The following ADAMTSL1 variants were observed in gnomAD, a reference collection of about 807,000 sequenced individuals.
ADAMTSL1 encodes the protein ADAMTS-like protein 1.
ADAMTSL1 carries 126 observed loss-of-function variants against 201.8 expected under a neutral mutation model. That is an observed-to-expected ratio of 0.62 (90% confidence interval 0.54 to 0.72). ADAMTSL1 has a LOEUF of 0.72. Among genes scored for constraint, ADAMTSL1 ranks in the 30% least tolerant of loss-of-function variants. ADAMTSL1 has a pLI of 0.00. For synonymous variants in ADAMTSL1, 1,121 were observed against 903.4 expected, an observed-to-expected ratio of 1.24 and a Z score of -4.32; for missense variants, 2,679 against 2,277.8, an observed-to-expected ratio of 1.18 and a Z score of -3.59.
chr9:18,275,759 A>C (rs975464010), intron 2 of ADAMTSL1, among the ~76,000 whole-genome samples: 2 of 152,134 alleles, frequency 1.3e-5, no homozygotes, highest in Admixed American at 1.3e-4. Flanking sequence ...TCCTTTAGTG[A>C]GTCATAGACA....
chr9:18,873,499 T>A (rs935953440), intron 23 of ADAMTSL1, among the ~76,000 whole-genome samples: 8 of 152,142 alleles, frequency 5.3e-5, no homozygotes, highest in African/African-American at 1.9e-4. Context: ...GAGGATCCAG[T>A]TTCATTCTCC....
intron 1 of ADAMTSL1, among the ~76,000 whole-genome samples, chr9:18,077,054 A>T (rs894366961): frequency 1.3e-5 from 2 of 152,146 alleles, no homozygotes; most frequent in South Asian, 2.1e-4. Context: ...ATTTACTGAG[A>T]TGGGAAGAGT....
chr9:18,683,934 C>T (rs1279130311), intron 12 of ADAMTSL1, among the ~76,000 whole-genome samples: 1 of 152,122 alleles, frequency 6.6e-6, no homozygotes, highest in Non-Finnish European at 1.5e-5. Flanking sequence ...GGTGATAGAG[C>T]ATCATTGGCT....
intron 2 of ADAMTSL1, among the ~76,000 whole-genome samples, chr9:18,201,476 T>C (rs1020363707): frequency 1.3e-5 from 2 of 152,144 alleles, no homozygotes; most frequent in African/African-American, 4.8e-5. Flanking sequence ...GATTTTGCCA[T>C]ATATTCTTGG....
At chr9:18,360,700 T>G (rs997441314) in intron 2 of ADAMTSL1, 1 of 152,198 alleles carries the variant, frequency 6.6e-6, no homozygotes, top group Admixed American at 6.5e-5. Context: ...GCACTCCTAT[T>G]GAGAAACACT....
intron 2 of ADAMTSL1, among the ~76,000 whole-genome samples, chr9:18,186,959 G>T (rs1052222609): frequency 6.6e-6 from 1 of 152,188 alleles, no homozygotes; most frequent in South Asian, 2.1e-4. Context: ...CCAGGACCCA[G>T]ACTCAAGACT....
intron 2 of ADAMTSL1, among the ~76,000 whole-genome samples, chr9:18,325,572 T>G (rs1381022551): frequency 1.3e-5 from 2 of 152,170 alleles, no homozygotes; most frequent in Admixed American, 1.3e-4. Context: ...CTGAGTAATT[T>G]AAAAAGAATG....
intron 4 of ADAMTSL1, among the ~76,000 whole-genome samples, chr9:18,594,114 T>G (rs943863454): frequency 2.6e-5 from 4 of 152,166 alleles, no homozygotes; most frequent in African/African-American, 9.6e-5. Context: ...CTTTCATTTC[T>G]GAAGGATATT....
intron 4 of ADAMTSL1, among the ~76,000 whole-genome samples, chr9:18,583,415 G>A (rs1207068188): frequency 6.6e-6 from 1 of 152,220 alleles, no homozygotes; most frequent in South Asian, 2.1e-4. Flanking sequence ...CTAGATTTCA[G>A]AAGATGTATG....
chr9:18,737,319 CAAAAAAAA>C (rs59511409), intron 15 of ADAMTSL1, among the ~76,000 whole-genome samples: 15 of 53,678 alleles, frequency 2.8e-4, no homozygotes, highest in East Asian at 6.1e-4. Flanking sequence ...AACTCTGTCT[CAAAAAAAA>C]AAAAAAAAAA....
At chr9:18,194,604 G>T (rs181766070) in intron 2 of ADAMTSL1, among the ~76,000 whole-genome samples, 193 of 152,124 alleles carry the variant, frequency 1.3e-3, no homozygotes, top group African/African-American at 4.5e-3. Context: ...TGCTGCAGAG[G>T]TCACCCTCCA....
intron 16 of ADAMTSL1, among the ~76,000 whole-genome samples, chr9:18,758,774 C>T (rs773768614): frequency 3.3e-5 from 5 of 152,046 alleles, no homozygotes; most frequent in African/African-American, 7.2e-5. Context: ...TCACAAGTAC[C>T]GGGGATTGAG....
intron 1 of ADAMTSL1, among the ~76,000 whole-genome samples, chr9:18,107,468 G>A (rs898160331): frequency 1.3e-5 from 2 of 152,162 alleles, no homozygotes; most frequent in African/African-American, 4.8e-5. Context: ...TATTAAATGA[G>A]AGAAGTATTT....
intron 2 of ADAMTSL1, among the ~76,000 whole-genome samples, chr9:18,186,700 A>T (rs1435934851): frequency 6.6e-6 from 1 of 152,088 alleles, no homozygotes; most frequent in Non-Finnish European, 1.5e-5. Context: ...CTCTTTCTGT[A>T]ATTTGGAATT....
chr9:17,964,463 A>G (rs1817893151), intron 1 of ADAMTSL1, among the ~76,000 whole-genome samples: 1 of 152,180 alleles, frequency 6.6e-6, no homozygotes, highest in African/African-American at 2.4e-5. Flanking sequence ...GGGAACAGTC[A>G]GGAGGGGGCA....
intron 1 of ADAMTSL1, among the ~76,000 whole-genome samples, chr9:18,005,695 G>C (rs1258899796): frequency 6.6e-6 from 1 of 152,088 alleles, no homozygotes; most frequent in Non-Finnish European, 1.5e-5. Flanking sequence ...CAGTGAAAAA[G>C]TGAGTGATAG....
At chr9:18,010,688 C>T (rs182666395) in intron 1 of ADAMTSL1, among the ~76,000 whole-genome samples, 1 of 151,940 alleles carries the variant, frequency 6.6e-6, no homozygotes, top group African/African-American at 2.4e-5. Context: ...GGGTGGAGAG[C>T]TAGCTAAGCC....
chr9:18,840,623 T>C (rs201455557), intron 23 of ADAMTSL1, among the ~76,000 whole-genome samples: 1 of 152,176 alleles, frequency 6.6e-6, no homozygotes, highest in Non-Finnish European at 1.5e-5. Context: ...AAATTACCTT[T>C]GGCAGTATGG....
chr9:18,173,727 A>G (rs534754810), intron 2 of ADAMTSL1, among the ~76,000 whole-genome samples: 102 of 152,310 alleles, frequency 6.7e-4, no homozygotes, highest in African/African-American at 2.4e-3. Context: ...CCTCTCAAAT[A>G]CAGAGTAAAA....
Sources: gnomAD v4.1 joint callset for allele counts (sites outside exome capture counted in the v4.1 genomes callset) on GRCh38, gnomAD v4.1.1 for gene constraint, MANE v1.5 for transcripts, NCBI Gene and HGNC (gene_info 2026-07-23, HGNC 2026-07-21) for gene names.